The following EPHA2 variants were observed in gnomAD, a reference collection of about 807,000 sequenced individuals.
The protein encoded by EPHA2 is EPH receptor A2, also known as ephrin type-A receptor 2.
EPHA2 carries 54 observed loss-of-function variants against 104.9 expected under a neutral mutation model. That is an observed-to-expected ratio of 0.51 (90% CI 0.41 to 0.65). EPHA2 has a LOEUF of 0.65. Among genes scored for constraint, EPHA2 ranks in the 30% least tolerant of loss-of-function variants. The probability of loss-of-function intolerance (pLI) is 0.00; values close to 1 mark genes in which losing one functional copy is unlikely to be tolerated. For missense variants in EPHA2, 1,117 were observed against 1,369.5 expected, an observed-to-expected ratio of 0.82 and a Z score of 2.91; for synonymous variants, 560 against 559.1, an observed-to-expected ratio of 1.00 and a Z score of -0.02.
chr1:16,152,051 G>C (rs2025047982), intron 1 of EPHA2, among the ~76,000 whole-genome samples: 1 of 152,238 alleles, frequency 6.6e-6, no homozygotes, highest in African/African-American at 2.4e-5. Flanking sequence ...CCTCCCTAGA[G>C]GGTAAGGAGA....
Position 16,134,712 on chromosome 1 carries a change from T to C in EPHA2, c.1583-145A>G, listed in dbSNP as rs2024647722. 4.3e-6 allele frequency: 4 copies of C among 936,732 alleles called. No individual in the cohort carries two copies. Among genetic ancestry groups the C allele is most frequent in the East Asian group, 2.6e-5 (1 of 38,048 alleles). 58.0% of individuals were successfully genotyped at this position (936,732 alleles called of 1,614,324 possible). On this transcript the variant is annotated intron_variant, in intron 7 of 16. Coordinates refer to ENST00000358432, the MANE Select transcript of EPHA2 (RefSeq NM_004431.5). The surrounding 1 kb of genome is among the most constrained non-coding windows in gnomAD (Gnocchi z 4.5). ...CCAGAGGGTACTTAGTCCCATTTCA[T>C]AGACGGTCAAGCGGAGGCCTTCCCG...
rs949496448 is a variant in EPHA2, at chr1:16,134,293, G to A, written c.1682+175C>T. 5.3e-5 allele frequency among the ~76,000 whole-genome samples: 8 copies of A among 152,092 alleles called. No individual in the cohort carries two copies. On this transcript the variant is annotated intron_variant, in intron 8 of 16. Coordinates refer to ENST00000358432, the MANE Select transcript of EPHA2 (RefSeq NM_004431.5). The surrounding 1 kb of genome is among the most constrained non-coding windows in gnomAD (Gnocchi z 4.5). ...ATGACCCCCGTGTCCCGGCCCCGCC[G>A]CGTGCCAGGCACTTCGCTACACACT...
Position 16,125,377 on chromosome 1 carries a change from G to A in EPHA2, c.2826-57C>T. On this transcript the variant is annotated intron_variant, in intron 16 of 16. Transcript: ENST00000358432. The surrounding 1 kb of genome is among the most constrained non-coding windows in gnomAD (Gnocchi z 4.9). ...GGGGCTGGAGCAGGGGAGGGGGCCG[G>A]GCTGGGTGGGGACAGGACTCGGTGG... 9.3e-7 allele frequency: 1 copy of A among 1,077,944 alleles called. No individual in the cohort carries two copies. The highest frequency in any genetic ancestry group is 1.4e-6 in the Non-Finnish European group (1 of 735,626). 66.8% of individuals were successfully genotyped at this position (1,077,944 alleles called of 1,614,324 possible).
intron 3 of EPHA2, among the ~76,000 whole-genome samples, chr1:16,143,179 GATGGATGGATGA>G (rs1203250726): frequency 2.6e-5 from 4 of 151,244 alleles, no homozygotes; most frequent in Non-Finnish European, 4.4e-5. Context: ...TGGATGGATG[GATGGATGGATGA>G]ATGGATGGAT....
Position 16,130,240 on chromosome 1 carries a change from A to T in EPHA2, c.2655T>A (p.Ala885=). 1.2e-6 allele frequency: 2 copies of T among 1,614,200 alleles called. No individual in the cohort carries two copies. Among genetic ancestry groups the T allele is most frequent in the South Asian group, 2.2e-5 (2 of 91,078 alleles). Residue 885 remains alanine, a synonymous_variant, in exon 15 of 17, where the codon GCT becomes GCA. Transcript: ENST00000358432. This position sits in a 1 kb window ranked among gnomAD's most constrained non-coding sequence, Gnocchi z 4.5. ...IRAPDSLKTL[A]DFDPRVSIRL... ...ATAGAACTCACCGGGGGTCAAAGTC[A>T]GCCAGGGTCTTGAGGGAGTCAGGGG...
chr1:16,146,184 C>T lies in EPHA2; in HGVS notation c.823+2194G>A, dbSNP rs142618208. On this transcript the variant is annotated intron_variant, in intron 3 of 16. Transcript: ENST00000358432. ...TTGGTGGGAGGATCCCGAGGAGGAACAATCCGGCAGTAGGTGACTAGCGAT... is the reference window on the plus strand; with the variant it reads ...TTGGTGGGAGGATCCCGAGGAGGAATAATCCGGCAGTAGGTGACTAGCGAT... Among the ~76,000 whole-genome samples, 1,083 of 152,332 alleles carry T rather than the reference C, an allele frequency of 7.1e-3. 16 individuals carry two copies. The highest frequency in any genetic ancestry group is 0.024 in the African/African-American group (988 of 41,576).
chr1:16,152,199 AG>A (rs2124272126), intron 1 of EPHA2, among the ~76,000 whole-genome samples: 1 of 152,320 alleles, frequency 6.6e-6, no homozygotes, highest in South Asian at 2.1e-4. Flanking sequence ...CCATTCCTCA[AG>A]GCCAGGACCG....
intron 1 of EPHA2, among the ~76,000 whole-genome samples, chr1:16,154,349 A>G (rs950208053): frequency 6.6e-6 from 1 of 152,104 alleles, no homozygotes; most frequent in Non-Finnish European, 1.5e-5. Context: ...CCAGAGACTG[A>G]GACAGGATGC....
chr1:16,130,321 A>G lies in EPHA2; in HGVS notation c.2574T>C (p.Arg858=). 1 of 1,607,660 alleles carries G rather than the reference A, an allele frequency of 6.2e-7. No individual in the cohort carries two copies. The highest frequency in any genetic ancestry group is 8.5e-7 in the Non-Finnish European group (1 of 1,175,350). ...QLMMQCWQQE[R]ARRPKFADIV... ...TGTCAGCGAACTTGGGGCGGCGGGC[A>G]CGCTCCTGCTGCCAGCACTGCATCA... The change falls in exon 15 of 17, where the codon CGT becomes CGC. Residue 858 remains arginine, a synonymous_variant. Transcript: ENST00000358432. This position sits in a 1 kb window ranked among gnomAD's most constrained non-coding sequence, Gnocchi z 4.5.
At chr1:16,152,053 G>A (rs865810269) in intron 1 of EPHA2, among the ~76,000 whole-genome samples, 2 of 152,212 alleles carry the variant, frequency 1.3e-5, no homozygotes, top group Non-Finnish European at 2.9e-5. Flanking sequence ...TCCCTAGAGG[G>A]TAAGGAGATA....
At position 16,129,498 on chromosome 1, in the gene EPHA2, A is replaced by G. The variant is rs1188574885; in HGVS notation, c.2761T>C (p.Tyr921His). Residue 921 changes from tyrosine to histidine, a missense_variant, in exon 16 of 17, where the codon TAT becomes CAT. By Grantham distance (83) the Tyr-to-His change is moderately conservative. Around this residue, in one of 3 missense-constraint regions of EPHA2, gnomAD observed 340 missense variants for 480.5 expected, o/e 0.71. Transcript: ENST00000358432. Reference protein sequence around the residue: ...EWLESIKMQQYTEHFMAAGYT... With the variant: ...EWLESIKMQQHTEHFMAAGYT... ...CCGGCCGCCATGAAGTGCTCCGTAT[A>G]CTGCTGCATCTTGATGGACTCCAGC... The G allele has an allele frequency of 6.2e-7, 1 of 1,613,846 alleles. No homozygotes were observed. The highest frequency in any genetic ancestry group is 8.5e-7 in the Non-Finnish European group (1 of 1,179,980).
chr1:16,150,444 G>C lies in EPHA2; in HGVS notation c.153+452C>G, dbSNP rs1387177649. On this transcript the variant is annotated intron_variant, in intron 2 of 16. Coordinates refer to ENST00000358432, the MANE Select transcript of EPHA2 (RefSeq NM_004431.5). This position sits in a 1 kb window ranked among gnomAD's most constrained non-coding sequence, Gnocchi z 4.8. ...GGAAGGGGAAGCAACAGCTAGAGGTGGGAAAGGGGCGGGCAGGAAGGAACT... is the reference window on the plus strand; with the variant it reads ...GGAAGGGGAAGCAACAGCTAGAGGTCGGAAAGGGGCGGGCAGGAAGGAACT... 3.3e-5 allele frequency among the ~76,000 whole-genome samples: 5 copies of C among 152,202 alleles called. No individual in the cohort carries two copies. Among genetic ancestry groups the C allele is most frequent in the Admixed American group, 1.3e-4 (2 of 15,280 alleles).
chr1:16,130,866 G>T lies in EPHA2; in HGVS notation c.2476-447C>A, dbSNP rs1013613461. Among the ~76,000 whole-genome samples, 2 of 152,142 alleles carry T rather than the reference G, an allele frequency of 1.3e-5. No individual in the cohort carries two copies. The highest frequency in any genetic ancestry group is 4.8e-5 in the African/African-American group (2 of 41,422). On this transcript the variant is annotated intron_variant, in intron 14 of 16. Coordinates refer to ENST00000358432, the MANE Select transcript of EPHA2 (RefSeq NM_004431.5). This position sits in a 1 kb window ranked among gnomAD's most constrained non-coding sequence, Gnocchi z 4.5. ...GCTGGTCTCGAACTCCTGAGCTCAAGCGATACTCCTGCCTCAGCCTCCCAA... is the reference window on the plus strand; with the variant it reads ...GCTGGTCTCGAACTCCTGAGCTCAATCGATACTCCTGCCTCAGCCTCCCAA...
At chr1:16,145,323 T>C (rs2024912240) in intron 3 of EPHA2, among the ~76,000 whole-genome samples, 1 of 152,170 alleles carries the variant, frequency 6.6e-6, no homozygotes, top group Admixed American at 6.5e-5. Flanking sequence ...ATTCCTGACA[T>C]AGTTCATGGG....
At chr1:16,152,901 C>T (rs2025070091) in intron 1 of EPHA2, among the ~76,000 whole-genome samples, 1 of 152,210 alleles carries the variant, frequency 6.6e-6, no homozygotes, top group South Asian at 2.1e-4. Context: ...CAGGGAAATT[C>T]CCTCGAACCA....
At chr1:16,129,383 T>G (rs780763464) in intron 16 of EPHA2, 51 bp downstream of exon 16, 1 of 1,594,424 alleles carries the variant, frequency 6.3e-7, no homozygotes, top group South Asian at 1.1e-5. Flanking sequence ...GGAGGCAGCC[T>G]CTGGAGTGGG....
rs144552841 is a variant in EPHA2, at chr1:16,152,905, C to T, written c.86-1942G>A. 6.1e-3 allele frequency among the ~76,000 whole-genome samples: 930 copies of T among 152,326 alleles called. 12 individuals carry two copies. The highest frequency in any genetic ancestry group is 0.022 in the African/African-American group (902 of 41,576). Reference sequence around the variant, plus strand: ...CGGCCCCCTCCCAGGGAAATTCCCTCGAACCAACCACCAGGAACAGGAGGC... The same window carrying T: ...CGGCCCCCTCCCAGGGAAATTCCCTTGAACCAACCACCAGGAACAGGAGGC... On this transcript the variant is annotated intron_variant, in intron 1 of 16. Transcript: ENST00000358432.
At position 16,134,517 on chromosome 1, in the gene EPHA2, C is replaced by T. The variant is rs777122540; in HGVS notation, c.1633G>A (p.Val545Met). 1.2e-6 allele frequency: 2 copies of T among 1,614,010 alleles called. No individual in the cohort carries two copies. Among genetic ancestry groups the T allele is most frequent in the African/African-American group, 1.3e-5 (1 of 74,920 alleles). Residue 545 changes from valine to methionine, a missense_variant, in exon 8 of 17, where the codon GTG becomes ATG. Around this residue, in one of 3 missense-constraint regions of EPHA2, gnomAD observed 664 missense variants for 784.8 expected, o/e 0.85. Coordinates refer to ENST00000358432, the MANE Select transcript of EPHA2 (RefSeq NM_004431.5). The surrounding 1 kb of genome is among the most constrained non-coding windows in gnomAD (Gnocchi z 4.5). ...CCTGCCAGCACCAGAAGCAGGACCA[C>T]ACCGACAGCCACGCCGCCAATCACC... is the stretch of plus-strand genomic sequence containing the variant. ...LAVIGGVAVG[V>M]VLLLVLAGVG...
Position 16,144,019 on chromosome 1 carries a change from T to C in EPHA2, c.823+4359A>G, listed in dbSNP as rs557056092. On this transcript the variant is annotated intron_variant, in intron 3 of 16. Transcript: ENST00000358432. Reference sequence around the variant, plus strand: ...TGCAGGCACATTCCTCCACCATTGATAAGCACCACTCCCCACCTCAGCCCC... The same window carrying C: ...TGCAGGCACATTCCTCCACCATTGACAAGCACCACTCCCCACCTCAGCCCC... Among the ~76,000 whole-genome samples, 3 of 152,190 alleles carry C rather than the reference T, an allele frequency of 2.0e-5. No homozygotes were observed. In the South Asian group the frequency reaches 6.2e-4, roughly 32 times the overall value.
Sources: gnomAD v4.1 joint callset for allele counts (sites outside exome capture counted in the v4.1 genomes callset) on GRCh38, gnomAD v4.1.1 for gene constraint, gnomAD v4.1.1 regional missense constraint, Gnocchi (gnomAD v3.1) non-coding constraint, MANE v1.5 for transcripts, NCBI Gene and HGNC (gene_info 2026-07-23, HGNC 2026-07-21) for gene names.